Variants in NAPA observed in about 807,000 individuals in gnomAD.
NAPA encodes the protein alpha-soluble NSF attachment protein.
Under a neutral mutation model 48.0 loss-of-function variants are expected in NAPA, and 18 were observed. That is an observed-to-expected ratio of 0.38 (90% CI 0.26 to 0.56). The LOEUF (loss-of-function observed/expected upper bound fraction) is 0.56. NAPA is among the 20% of genes least tolerant of loss of function. The probability of loss-of-function intolerance (pLI) is 0.77; values close to 1 mark genes in which losing one functional copy is unlikely to be tolerated. For missense variants in NAPA, 315 were observed against 385.0 expected, an observed-to-expected ratio of 0.82 and a Z score of 1.52; for synonymous variants, 152 against 149.9, an observed-to-expected ratio of 1.01 and a Z score of -0.10.
chr19:47,491,967 G>A lies in NAPA; in HGVS notation c.666+48C>T, dbSNP rs1968278727. On this transcript the variant is annotated intron_variant, in intron 8 of 10. Coordinates refer to ENST00000263354, the MANE Select transcript of NAPA (RefSeq NM_003827.4). ...GCAACGGGACCTGGCCTGGAGATAA[G>A]CACATGGTGGCCTGGTGCGGTGGTC... is the stretch of plus-strand genomic sequence containing the variant. 8 of 1,545,958 alleles carry A rather than the reference G, an allele frequency of 5.2e-6. No individual in the cohort carries two copies. The South Asian group carries it at 9.0e-5, about 17-fold the overall frequency.
chr19:47,486,627 T>C (rs1306150629), downstream of NAPA, among the ~76,000 whole-genome samples: 1 of 152,200 alleles, frequency 6.6e-6, no homozygotes, highest in African/African-American at 2.4e-5. Context: ...TTAATGACTT[T>C]AAAGCATAGC....
rs1254922116 is a variant in NAPA at position 47,493,623 on chromosome 19, TGAA to T, written c.343-133_343-131del. 2.3e-5 allele frequency: 18 copies of T among 771,442 alleles called. No individual in the cohort carries two copies. Among genetic ancestry groups the T allele is most frequent in the Non-Finnish European group, 3.4e-5 (15 of 445,180 alleles). The allele number at this position is 771,442 out of a possible 1,614,324, so 47.8% of individuals were successfully genotyped here. A position where few individuals can be genotyped will look rare whatever the true frequency, so the allele number is the denominator to read the frequency against. On this transcript the variant is annotated intron_variant, in intron 4 of 10. Coordinates refer to ENST00000263354, the MANE Select transcript of NAPA (RefSeq NM_003827.4). The surrounding 1 kb of genome is among the most constrained non-coding windows in gnomAD (Gnocchi z 6.4). ...GGAGGTATGAAGAAGACCTGAGGTGTGAAGAAGATCGAGAGGTGGGGGAACACA... is the reference window on the plus strand; with the variant it reads ...GGAGGTATGAAGAAGACCTGAGGTGTGAAGATCGAGAGGTGGGGGAACACA...
At chr19:47,496,117 G>C (rs1395358003) in intron 3 of NAPA, 1 of 161,202 alleles carries the variant, frequency 6.2e-6, no homozygotes, top group Admixed American at 6.1e-5. Context: ...AGCAGCTTCT[G>C]CTCCTGCACC....
intron 9 of NAPA, among the ~76,000 whole-genome samples, chr19:47,490,267 GGTGT>G (rs1397558113): frequency 2.7e-5 from 4 of 148,166 alleles, no homozygotes; most frequent in Admixed American, 6.8e-5. Flanking sequence ...TGTGTCGTGT[GGTGT>G]GTGTACTGTG....
At chr19:47,513,032 A>G (rs982020169) in intron 1 of NAPA, among the ~76,000 whole-genome samples, 2 of 151,900 alleles carry the variant, frequency 1.3e-5, no homozygotes, top group Non-Finnish European at 2.9e-5. Context: ...TTCTCTCTAC[A>G]AGCCCACTAG....
At chr19:47,511,823 C>T (rs559565370) in intron 1 of NAPA, among the ~76,000 whole-genome samples, 1 of 152,328 alleles carries the variant, frequency 6.6e-6, no homozygotes, top group Admixed American at 6.5e-5. Context: ...TCAGAGCGAG[C>T]ACTTAATAAC....
intron 10 of NAPA, chr19:47,489,400 G>A: frequency 4.7e-6 from 2 of 428,102 alleles, no homozygotes; most frequent in Non-Finnish European, 8.6e-6. Flanking sequence ...CTCACCTGGG[G>A]GACTCAAGGA....
chr19:47,493,316 C>T lies in NAPA; in HGVS notation c.420+100G>A. 1 of 1,512,162 alleles carries T rather than the reference C, an allele frequency of 6.6e-7. No homozygotes were observed. Among genetic ancestry groups the T allele is most frequent in the Non-Finnish European group, 9.1e-7 (1 of 1,096,260 alleles). The allele number at this position is 1,512,162 out of a possible 1,614,324, so 93.7% of individuals were successfully genotyped here. A position where few individuals can be genotyped will look rare whatever the true frequency, so the allele number is the denominator to read the frequency against. On this transcript the variant is annotated intron_variant, in intron 5 of 10. Coordinates refer to ENST00000263354, the MANE Select transcript of NAPA (RefSeq NM_003827.4). The surrounding 1 kb of genome is among the most constrained non-coding windows in gnomAD (Gnocchi z 6.4). ...AAGCTCTGCCGGCGCCCCATGCCCC[C>T]TTCTCGGCACTCAGACACCAGAGGA...
intron 7 of NAPA, 148 bp downstream of exon 7, chr19:47,492,812 TG>T (rs1349876274): frequency 4.6e-6 from 3 of 651,528 alleles, no homozygotes; most frequent in African/African-American, 2.9e-5. Context: ...GAAGACAGGG[TG>T]GGGGGATGAC....
intron 2 of NAPA, among the ~76,000 whole-genome samples, chr19:47,502,158 T>C (rs1968590585): frequency 7.4e-6 from 1 of 135,480 alleles, no homozygotes. Flanking sequence ...GGAGAATCAC[T>C]TGAACCAGGG....
rs1295756636 is a variant in NAPA at position 47,500,637 on chromosome 19, G to T, written c.291C>A (p.Pro97=). ...GTGGCCCGCAGAGGCCCTCACCTTG[G>T]GGGTCGGCTTTCTTGAATGCGTTGC... ...DAGNAFKKAD[P]QEAINCLMRA... The change falls in exon 3 of 11, where the codon CCC becomes CCA. Residue 97 remains proline, a synonymous_variant. Transcript: ENST00000263354. 1.2e-6 allele frequency: 2 copies of T among 1,607,776 alleles called. No individual in the cohort carries two copies. The highest frequency in any genetic ancestry group is 1.7e-6 in the Non-Finnish European group (2 of 1,176,930).
intron 3 of NAPA, among the ~76,000 whole-genome samples, chr19:47,497,891 T>C (rs1599903937): frequency 6.6e-6 from 1 of 152,120 alleles, no homozygotes; most frequent in Admixed American, 6.5e-5. Flanking sequence ...AGGGGCCAGG[T>C]CGCTTCTCTG....
chr19:47,509,223 AG>A (rs1192342403), intron 1 of NAPA, among the ~76,000 whole-genome samples: 24 of 151,918 alleles, frequency 1.6e-4, no homozygotes, highest in Admixed American at 9.2e-4. Flanking sequence ...ACAAAGGAAG[AG>A]AAATACGCTC....
chr19:47,498,869 C>T (rs950449199), intron 3 of NAPA, among the ~76,000 whole-genome samples: 3 of 152,202 alleles, frequency 2.0e-5, no homozygotes, highest in East Asian at 1.9e-4. Flanking sequence ...CTCAACACCA[C>T]GTCCCCAGGG....
At chr19:47,492,697 G>C in intron 7 of NAPA, 1 of 623,442 alleles carries the variant, frequency 1.6e-6, no homozygotes, top group Non-Finnish European at 3.0e-6. Flanking sequence ...CCTCACTCTG[G>C]GCCCCTCCAG....
intron 4 of NAPA, chr19:47,495,196 GT>G: frequency 3.1e-6 from 1 of 322,132 alleles, no homozygotes; most frequent in Non-Finnish European, 5.9e-6. Context: ...GTCTTGCTAT[GT>G]TGCCCAGGCT....
chr19:47,489,611 T>A lies in NAPA; in HGVS notation c.786+100A>T, dbSNP rs1599889064. ...ACTTCACAGTGGGCTGGGGGCCAGA[T>A]GAAATGGGTGAATGTCATGGAGAGC... On this transcript the variant is annotated intron_variant, in intron 10 of 10. Coordinates refer to ENST00000263354, the MANE Select transcript of NAPA (RefSeq NM_003827.4). 4.8e-5 allele frequency: 65 copies of A among 1,349,492 alleles called. No homozygotes were observed. In the East Asian group the frequency reaches 1.5e-3, roughly 31 times the overall value. The allele number at this position is 1,349,492 out of a possible 1,614,324, so 83.6% of individuals were successfully genotyped here.
chr19:47,499,123 C>T (rs1212097731), intron 3 of NAPA, among the ~76,000 whole-genome samples: 2 of 152,240 alleles, frequency 1.3e-5, no homozygotes, highest in African/African-American at 4.8e-5. Flanking sequence ...CAGGCCCACA[C>T]CCTGCAGAGT....
At chr19:47,486,076 C>A (rs1202910518), downstream of NAPA, among the ~76,000 whole-genome samples, 1 of 152,232 alleles carries the variant, frequency 6.6e-6, no homozygotes, top group Non-Finnish European at 1.5e-5. Context: ...CCAAAACAGG[C>A]CGGGCCTGGT....
Sources: allele counts gnomAD v4.1 joint callset (sites outside exome capture counted in the v4.1 genomes callset), GRCh38; gene constraint gnomAD v4.1.1; non-coding constraint Gnocchi (gnomAD v3.1); transcripts MANE v1.5; gene names NCBI Gene and HGNC (gene_info 2026-07-23, HGNC 2026-07-21).